EDA: variants seen among roughly 807,000 people sequenced by gnomAD.
EDA encodes ectodysplasin-A.
In EDA, 2 loss-of-function variants were observed where a neutral mutation model predicts 23.6. The observed-to-expected ratio is 0.08, with a 90% CI of 0.03 to 0.27. The LOEUF is 0.27. Among genes scored for constraint, EDA ranks in the 10% least tolerant of loss-of-function variants. EDA has a pLI of 1.00. For synonymous variants in EDA, 131 were observed against 132.0 expected (o/e 0.99, Z 0.05); for missense variants, 229 against 324.2 (o/e 0.71, Z 2.26).
chrX:69,655,458 C>G (rs1024862190), intron 1 of EDA, among the ~76,000 whole-genome samples: 16 of 109,739 alleles, frequency 1.5e-4, no homozygotes, highest in Non-Finnish European at 2.1e-4. Flanking sequence ...CATTCCTATG[C>G]GGAGACCTTA....
At chrX:69,691,224 T>C (rs990838698) in intron 1 of EDA, among the ~76,000 whole-genome samples, 5 of 111,804 alleles carry the variant, frequency 4.5e-5, no homozygotes, top group Admixed American at 2.9e-4. Context: ...TGGGGCGATA[T>C]GGCTTGCCTC....
intron 1 of EDA, among the ~76,000 whole-genome samples, chrX:69,626,653 G>A (rs1219866924): frequency 9.0e-6 from 1 of 111,326 alleles, no homozygotes; most frequent in Admixed American, 9.6e-5. Flanking sequence ...TAGGAATTAG[G>A]ATTAACTGAA....
At chrX:69,811,661 T>C (rs1300701877) in intron 1 of EDA, among the ~76,000 whole-genome samples, 1 of 112,012 alleles carries the variant, frequency 8.9e-6, no homozygotes, top group Non-Finnish European at 1.9e-5. Flanking sequence ...ACCCAAAATG[T>C]GGTTTGGATG....
intron 1 of EDA, among the ~76,000 whole-genome samples, chrX:69,790,711 A>C (rs1357059254): frequency 8.9e-6 from 1 of 111,749 alleles, no homozygotes; most frequent in Non-Finnish European, 1.9e-5. Flanking sequence ...TTCTTGGAGC[A>C]AGTAGAGCAA....
At chrX:69,670,487 A>G (rs1933853378) in intron 1 of EDA, among the ~76,000 whole-genome samples, 1 of 110,830 alleles carries the variant, frequency 9.0e-6, no homozygotes, top group African/African-American at 3.3e-5. Flanking sequence ...ATTAAATAAT[A>G]TTTCTGTCCC....
At chrX:69,692,664 G>A (rs767568949) in intron 1 of EDA, among the ~76,000 whole-genome samples, 1 of 112,031 alleles carries the variant, frequency 8.9e-6, no homozygotes, top group African/African-American at 3.2e-5. Context: ...CCAGTTCATT[G>A]TAAGGGATTT....
At chrX:70,020,558 CA>C (rs555853182) in intron 2 of EDA, among the ~76,000 whole-genome samples, 33,228 of 75,667 alleles carry the variant, frequency 0.44, 5,431 homozygotes, top group Middle Eastern at 0.59. Context: ...GACTCCGTCT[CA>C]AAAAAAAAAA....
intron 1 of EDA, among the ~76,000 whole-genome samples, chrX:69,660,611 G>A (rs888752693): frequency 4.5e-5 from 5 of 110,024 alleles, no homozygotes; most frequent in African/African-American, 1.3e-4. Context: ...CTGTCATTGC[G>A]ATAGTTTGCT....
intron 1 of EDA, among the ~76,000 whole-genome samples, chrX:69,841,828 A>G (rs746285059): frequency 5.3e-5 from 6 of 112,381 alleles, no homozygotes; most frequent in Non-Finnish European, 9.4e-5. Context: ...TCTCCTACAT[A>G]GGAGAACTCT....
chrX:69,640,498 C>T (rs62605733), intron 1 of EDA, among the ~76,000 whole-genome samples: 2,825 of 110,778 alleles, frequency 0.026, 35 homozygotes, highest in Non-Finnish European at 0.035. Context: ...AATCAGAGGA[C>T]AGTTTGGTAT....
At chrX:69,983,431 G>T (rs772662411) in intron 2 of EDA, among the ~76,000 whole-genome samples, 76 of 5,736 alleles carry the variant, frequency 0.013, 3 homozygotes, top group Non-Finnish European at 8.3e-3. Context: ...CTTCCTTCAG[G>T]AGCTCTTTTA....
intron 5 of EDA, 81 bp downstream of exon 5, chrX:70,029,619 T>C: frequency 9.8e-7 from 1 of 1,021,655 alleles, no homozygotes; most frequent in Non-Finnish European, 1.4e-6. Flanking sequence ...TCTTATTAGA[T>C]TTCCTGAGGC....
intron 1 of EDA, among the ~76,000 whole-genome samples, chrX:69,799,698 A>AAG (rs1330851306): frequency 9.3e-6 from 1 of 107,908 alleles, no homozygotes; most frequent in African/African-American, 3.4e-5. Context: ...TAAAAAGACA[A>AAG]AAAAAAAAAA....
rs774174831 is a variant in EDA, at chrX:69,713,738, A to G, written c.396+97034A>G. Among the ~76,000 whole-genome samples, 125 of 111,666 alleles carry G rather than the reference A, an allele frequency of 1.1e-3. 1 individual carries two copies. The highest frequency in any genetic ancestry group is 1.7e-3 in the Non-Finnish European group (92 of 53,059). On this transcript the variant is annotated intron_variant, in intron 1 of 7. Transcript: ENST00000374552. Reference sequence around the variant, plus strand: ...TGCTGAGTAATGTTTCATTGTGTGGATGAACTGTAGTTTGTTTAACCAGTC... The same window carrying G: ...TGCTGAGTAATGTTTCATTGTGTGGGTGAACTGTAGTTTGTTTAACCAGTC...
intron 1 of EDA, among the ~76,000 whole-genome samples, chrX:69,929,706 TTGTG>T (rs4007701): frequency 0.17 from 14,511 of 84,018 alleles, 1,195 homozygotes; most frequent in Non-Finnish European, 0.21. Flanking sequence ...CATTCTATTT[TTGTG>T]TGTGTGTGTG....
intron 1 of EDA, among the ~76,000 whole-genome samples, chrX:69,764,664 A>G (rs995137562): frequency 8.1e-5 from 9 of 111,649 alleles, no homozygotes; most frequent in African/African-American, 2.3e-4. Flanking sequence ...TTTGAAAAAT[A>G]TTTCCTACTT....
intron 1 of EDA, among the ~76,000 whole-genome samples, chrX:69,700,375 G>GA (rs1333546334): frequency 9.0e-6 from 1 of 111,495 alleles, no homozygotes; most frequent in East Asian, 2.8e-4. Context: ...AAGGAATTGT[G>GA]AAAAAAGCAT....
At chrX:69,756,396 A>G (rs2014119236) in intron 1 of EDA, among the ~76,000 whole-genome samples, 1 of 111,790 alleles carries the variant, frequency 8.9e-6, no homozygotes, top group Non-Finnish European at 1.9e-5. Flanking sequence ...ATCAAATGGC[A>G]AAAGTCAGCA....
At chrX:69,647,996 G>A (rs145153781) in intron 1 of EDA, among the ~76,000 whole-genome samples, 6,689 of 111,003 alleles carry the variant, frequency 0.06, 207 homozygotes, top group Middle Eastern at 0.098. Context: ...CAGTTGCCTC[G>A]GTTTCTCCAG....
Sources: allele counts gnomAD v4.1 joint callset (sites outside exome capture counted in the v4.1 genomes callset), GRCh38; gene constraint gnomAD v4.1.1; transcripts MANE v1.5; gene names NCBI Gene and HGNC (gene_info 2026-07-23, HGNC 2026-07-21).